RBFOX3: variants seen among roughly 807,000 people sequenced by gnomAD.
RBFOX3 encodes the protein RNA binding fox-1 homolog 3, also known as RNA binding protein fox-1 homolog 3.
In RBFOX3, 17 loss-of-function variants were observed where a neutral mutation model predicts 48.7. The observed-to-expected ratio is 0.35, with a 90% confidence interval of 0.24 to 0.52. The LOEUF is 0.52. Ranked by LOEUF, RBFOX3 falls within the 20% of genes least tolerant of loss-of-function variation. The probability of loss-of-function intolerance (pLI) is 0.94; values close to 1 mark genes in which losing one functional copy is unlikely to be tolerated. For missense variants in RBFOX3, 382 were observed against 497.5 expected (o/e 0.77, Z 2.21); for synonymous variants, 212 against 209.5 (o/e 1.01, Z -0.10).
chr17:79,453,922 T>C (rs1193923558), intron 2 of RBFOX3, among the ~76,000 whole-genome samples: 2 of 152,140 alleles, frequency 1.3e-5, no homozygotes, highest in African/African-American at 2.4e-5. Context: ...CTGGGATCCC[T>C]TGGACACCTC....
chr17:79,190,422 A>AC (rs1323397473), intron 4 of RBFOX3, among the ~76,000 whole-genome samples: 1 of 140,820 alleles, frequency 7.1e-6, no homozygotes, highest in Non-Finnish European at 1.6e-5. Flanking sequence ...ACCAAAAAAA[A>AC]AAAAAAAAAC....
the RBFOX3 span, among the ~76,000 whole-genome samples, chr17:79,659,577 A>T: frequency 9.2e-5 from 14 of 152,234 alleles, no homozygotes; most frequent in African/African-American, 3.1e-4. Flanking sequence ...ACCCTGACAT[A>T]CATCAGAGCC....
chr17:79,647,616 T>A, the RBFOX3 span, among the ~76,000 whole-genome samples: 1 of 152,048 alleles, frequency 6.6e-6, no homozygotes, highest in African/African-American at 2.4e-5. Flanking sequence ...CCTGGGGCCA[T>A]CCCACATCTG....
upstream of RBFOX3, among the ~76,000 whole-genome samples, chr17:79,614,014 C>A (rs1054641259): frequency 1.3e-5 from 2 of 152,214 alleles, no homozygotes; most frequent in Non-Finnish European, 2.9e-5. Flanking sequence ...TAAACCCCAA[C>A]GACCTGGAGA....
At chr17:79,658,117 C>T in the RBFOX3 span, among the ~76,000 whole-genome samples, 2 of 152,136 alleles carry the variant, frequency 1.3e-5, no homozygotes, top group East Asian at 3.9e-4. Context: ...TTTTTTAAGT[C>T]CAGGAGAATT....
At chr17:79,142,270 C>T (rs1238060525) in intron 4 of RBFOX3, among the ~76,000 whole-genome samples, 1 of 152,222 alleles carries the variant, frequency 6.6e-6, no homozygotes, top group East Asian at 1.9e-4. Flanking sequence ...TATTACCTGC[C>T]TCTGGGGATG....
At chr17:79,174,308 A>G (rs532118082) in intron 4 of RBFOX3, among the ~76,000 whole-genome samples, 11 of 151,200 alleles carry the variant, frequency 7.3e-5, no homozygotes, top group Admixed American at 3.9e-4. Flanking sequence ...CACACAATGC[A>G]TTCACTCACA....
intron 3 of RBFOX3, among the ~76,000 whole-genome samples, chr17:79,236,180 T>C (rs2061610532): frequency 6.6e-6 from 1 of 152,236 alleles, no homozygotes. Flanking sequence ...GGCTTGTTGA[T>C]GGTGACGTTT....
chr17:79,623,131 T>G, the RBFOX3 span, among the ~76,000 whole-genome samples: 1 of 152,144 alleles, frequency 6.6e-6, no homozygotes, highest in Non-Finnish European at 1.5e-5. Context: ...CTGCCTCCAC[T>G]CAGGATCCTT....
chr17:79,226,363 G>C (rs919273279), intron 4 of RBFOX3, among the ~76,000 whole-genome samples: 1 of 152,212 alleles, frequency 6.6e-6, no homozygotes, highest in African/African-American at 2.4e-5. Flanking sequence ...ACATTCCCTG[G>C]ATAGGAAGTG....
chr17:79,260,085 CA>C (rs992567561), intron 3 of RBFOX3, among the ~76,000 whole-genome samples: 1 of 151,972 alleles, frequency 6.6e-6, no homozygotes, highest in African/African-American at 2.4e-5. Flanking sequence ...GTGCTGTCTG[CA>C]CATCCCTTAT....
chr17:79,337,064 G>T (rs537536660), intron 2 of RBFOX3, among the ~76,000 whole-genome samples: 284 of 152,252 alleles, frequency 1.9e-3, no homozygotes, highest in Non-Finnish European at 3.5e-3. Context: ...GTTGCAGTGA[G>T]AGGAGATTTT....
In RBFOX3 at chr17:79,481,534, C is replaced by CT. The variant is rs1437834256; in HGVS notation, c.-175+919dup. Among the ~76,000 whole-genome samples the CT allele has an allele frequency of 1.3e-5, 2 of 152,108 alleles. No individual in the cohort carries two copies. Among genetic ancestry groups the CT allele is most frequent in the Non-Finnish European group, 2.9e-5 (2 of 68,018 alleles). On this transcript the variant is annotated intron_variant, in intron 2 of 14. Transcript: ENST00000693108. This position sits in a 1 kb window ranked among gnomAD's most constrained non-coding sequence, Gnocchi z 5.4. The stretch of plus-strand genomic sequence containing the variant: ...GCAACTCACAGGGACCCGTAGGAAG[C>CT]TTCAAGTGTGAGGCTGGCCGTGCAC...
intron 1 of RBFOX3, among the ~76,000 whole-genome samples, chr17:79,530,951 G>A (rs1213569355): frequency 1.7e-4 from 26 of 152,350 alleles, no homozygotes; most frequent in South Asian, 6.2e-4. Context: ...TGGCTGTGCC[G>A]TGCGGCAGGA....
the RBFOX3 span, among the ~76,000 whole-genome samples, chr17:79,630,530 C>T: frequency 1.1e-4 from 17 of 152,162 alleles, no homozygotes; most frequent in South Asian, 3.3e-3. Context: ...ATGGGTTTGC[C>T]GGTATCAGGA....
intron 2 of RBFOX3, among the ~76,000 whole-genome samples, chr17:79,447,205 A>C (rs1420580026): frequency 6.6e-6 from 1 of 152,100 alleles, no homozygotes; most frequent in Non-Finnish European, 1.5e-5. Context: ...GCATGCCTCC[A>C]TTTTTCAGTC....
chr17:79,531,700 C>G (rs2087803122), intron 1 of RBFOX3, among the ~76,000 whole-genome samples: 1 of 152,172 alleles, frequency 6.6e-6, no homozygotes, highest in African/African-American at 2.4e-5. Context: ...AAATAAAGCC[C>G]TTTTTGGCAG....
intron 4 of RBFOX3, among the ~76,000 whole-genome samples, chr17:79,207,211 G>A (rs746986277): frequency 3.3e-5 from 5 of 152,236 alleles, no homozygotes; most frequent in Non-Finnish European, 7.3e-5. Flanking sequence ...AAAGTATGAA[G>A]AAGATTATCA....
intron 7 of RBFOX3, 63 bp downstream of exon 7, chr17:79,104,010 A>G (rs2076926521): frequency 7.1e-7 from 1 of 1,408,574 alleles, no homozygotes; most frequent in East Asian, 2.5e-5. Flanking sequence ...CGCACATTTC[A>G]CACGTTAGCC....
Sources: gnomAD v4.1 joint callset for allele counts (sites outside exome capture counted in the v4.1 genomes callset) on GRCh38, gnomAD v4.1.1 for gene constraint, Gnocchi (gnomAD v3.1) non-coding constraint, MANE v1.5 for transcripts, NCBI Gene and HGNC (gene_info 2026-07-23, HGNC 2026-07-21) for gene names.